The following SLC35D1 variants were observed in gnomAD, a reference collection of about 807,000 sequenced individuals.
SLC35D1 encodes the protein solute carrier family 35 member D1, also known as nucleotide sugar transporter SLC35D1.
In SLC35D1, 31 loss-of-function variants were observed where a neutral mutation model predicts 46.7. The observed-to-expected ratio is 0.66, with a 90% CI of 0.50 to 0.90. The LOEUF (loss-of-function observed/expected upper bound fraction) is 0.90. Among genes scored for constraint, SLC35D1 ranks in the 40% least tolerant of loss-of-function variants. The pLI is 0.00. For missense variants in SLC35D1, 397 were observed against 426.2 expected (o/e 0.93, Z 0.60); for synonymous variants, 195 against 164.6 (o/e 1.18, Z -1.41).
intron 10 of SLC35D1, among the ~76,000 whole-genome samples, chr1:67,013,286 C>T (rs1378012920): frequency 6.6e-6 from 1 of 150,518 alleles, no homozygotes; most frequent in Non-Finnish European, 1.5e-5. Flanking sequence ...GAGGCTCACA[C>T]CTGTAATCCC....
chr1:67,016,039 A>G (rs1667679430), intron 10 of SLC35D1, among the ~76,000 whole-genome samples: 1 of 152,072 alleles, frequency 6.6e-6, no homozygotes, highest in African/African-American at 2.4e-5. Flanking sequence ...TAAGAGAAAC[A>G]TATTAGCCTT....
intron 8 of SLC35D1, among the ~76,000 whole-genome samples, chr1:67,039,714 G>A (rs920566294): frequency 2.0e-5 from 3 of 152,136 alleles, no homozygotes; most frequent in African/African-American, 4.8e-5. Flanking sequence ...CAACAAATGA[G>A]AGCAGTTTAT....
intron 10 of SLC35D1, among the ~76,000 whole-genome samples, chr1:67,015,229 A>T (rs1020088319): frequency 3.3e-5 from 5 of 150,192 alleles, no homozygotes; most frequent in South Asian, 4.2e-4. Context: ...TTAAAAAAAC[A>T]AAAATAAAAA....
At chr1:67,008,775 T>C (rs896630066) in intron 11 of SLC35D1, among the ~76,000 whole-genome samples, 10 of 152,114 alleles carry the variant, frequency 6.6e-5, no homozygotes, top group African/African-American at 2.4e-4. Flanking sequence ...CCAGGTAATT[T>C]TGTCATTTTT....
chr1:67,041,573 T>G (rs536216258), intron 8 of SLC35D1, among the ~76,000 whole-genome samples: 22 of 152,324 alleles, frequency 1.4e-4, no homozygotes, highest in African/African-American at 4.8e-4. Context: ...GGATTTCCAT[T>G]TAGTTTGCAG....
downstream of SLC35D1, among the ~76,000 whole-genome samples, chr1:66,997,069 G>T (rs1254947207): frequency 6.6e-6 from 1 of 152,132 alleles, no homozygotes; most frequent in Non-Finnish European, 1.5e-5. Flanking sequence ...TCTTGGATAT[G>T]CCACCAAAAG....
At chr1:67,028,055 T>C (rs144032449) in intron 8 of SLC35D1, among the ~76,000 whole-genome samples, 8 of 151,034 alleles carry the variant, frequency 5.3e-5, no homozygotes, top group Non-Finnish European at 8.8e-5. Context: ...TTGATTTTCA[T>C]TGTTCAAAAT....
chr1:67,022,515 TGATC>T (rs1042918764), intron 8 of SLC35D1, among the ~76,000 whole-genome samples: 6 of 152,218 alleles, frequency 3.9e-5, no homozygotes. Flanking sequence ...GGGCCCTTCC[TGATC>T]AAGTACTCCT....
At chr1:66,984,684 G>T in the SLC35D1 span, 1 of 1,613,900 alleles carries the variant, frequency 6.2e-7, no homozygotes, top group South Asian at 1.1e-5. Flanking sequence ...ATGCAGATAT[G>T]GATACTAATG....
intron 8 of SLC35D1, among the ~76,000 whole-genome samples, chr1:67,027,467 T>TCTCA (rs1268102371): frequency 1.3e-5 from 2 of 152,130 alleles, no homozygotes; most frequent in African/African-American, 4.8e-5. Flanking sequence ...AAAAGACAGG[T>TCTCA]CTCACTATAT....
At chr1:66,990,786 C>T in the SLC35D1 span, among the ~76,000 whole-genome samples, 1 of 152,114 alleles carries the variant, frequency 6.6e-6, no homozygotes, top group Admixed American at 6.5e-5. Flanking sequence ...GCCAGACCCC[C>T]TTATTAAAGA....
intron 11 of SLC35D1, among the ~76,000 whole-genome samples, chr1:67,007,257 T>C (rs1238004461): frequency 6.6e-6 from 1 of 152,222 alleles, no homozygotes. Flanking sequence ...CTGGGGAGTC[T>C]AAGATCAAGG....
intron 7 of SLC35D1, among the ~76,000 whole-genome samples, chr1:67,043,678 GAAGT>G (rs1038731324): frequency 6.6e-6 from 1 of 152,188 alleles, no homozygotes; most frequent in African/African-American, 2.4e-5. Context: ...ACGTGTACAT[GAAGT>G]AAAATGAAGA....
At chr1:66,988,039 T>G in the SLC35D1 span, 2 of 152,348 alleles carry the variant, frequency 1.3e-5, no homozygotes, top group African/African-American at 4.8e-5. Flanking sequence ...ATATTTTCTT[T>G]GCTATCGATG....
In SLC35D1 at chr1:67,053,327, C is replaced by T. The variant is rs146922771; in HGVS notation, c.204-338G>A. On this transcript the variant is annotated intron_variant, in intron 1 of 11. Transcript: ENST00000235345. ...AAACAACCAACTTCTGCCTCTGGGT[C>T]CCAGTGTTAGCAAGGGAATAATTGT... Among the ~76,000 whole-genome samples, 1,062 of 151,394 alleles carry T rather than the reference C, an allele frequency of 7.0e-3. 11 individuals are homozygous for T. The highest frequency in any genetic ancestry group is 0.025 in the African/African-American group (1,013 of 41,314).
At chr1:66,998,156 C>T (rs1415002728), downstream of SLC35D1, among the ~76,000 whole-genome samples, 2 of 152,048 alleles carry the variant, frequency 1.3e-5, no homozygotes, top group African/African-American at 4.8e-5. Flanking sequence ...CCATATGATA[C>T]AGCAATTTCA....
At chr1:67,039,322 T>C (rs1668190534) in intron 8 of SLC35D1, among the ~76,000 whole-genome samples, 2 of 152,218 alleles carry the variant, frequency 1.3e-5, no homozygotes, top group Non-Finnish European at 2.9e-5. Context: ...TCCTTTGATA[T>C]AGTTTTTAAA....
the SLC35D1 span, among the ~76,000 whole-genome samples, chr1:66,978,203 A>AG: frequency 6.5e-3 from 958 of 147,518 alleles, 11 homozygotes; most frequent in African/African-American, 0.022. Context: ...CTCCAAAAAA[A>AG]AAAAAAAAAG....
the SLC35D1 span, among the ~76,000 whole-genome samples, chr1:66,983,709 T>C: frequency 3.9e-5 from 6 of 152,178 alleles, no homozygotes; most frequent in African/African-American, 1.2e-4. Flanking sequence ...TAAGTCTACT[T>C]AGGTAAATAG....
Sources: allele counts gnomAD v4.1 joint callset (sites outside exome capture counted in the v4.1 genomes callset), GRCh38; gene constraint gnomAD v4.1.1; transcripts MANE v1.5; gene names NCBI Gene and HGNC (gene_info 2026-07-23, HGNC 2026-07-21).